MMP2: variants seen among roughly 807,000 people sequenced by gnomAD.
The protein encoded by MMP2 is matrix metallopeptidase 2.
A neutral mutation model predicts 74.8 loss-of-function variants in MMP2; 39 were observed. The ratio of observed to expected loss-of-function variants is 0.52; its 90% confidence interval spans 0.40 to 0.68. MMP2 has a LOEUF of 0.68. MMP2 is among the 30% of genes least tolerant of loss of function. The probability of loss-of-function intolerance (pLI) is 0.00; values close to 1 mark genes in which losing one functional copy is unlikely to be tolerated. For missense variants in MMP2, 803 were observed against 878.3 expected (o/e 0.91, Z 1.08); for synonymous variants, 367 against 339.8 (o/e 1.08, Z -0.88).
At chr16:55,495,858 A>C (rs1330758574) in intron 9 of MMP2, among the ~76,000 whole-genome samples, 1 of 152,182 alleles carries the variant, frequency 6.6e-6, no homozygotes, top group African/African-American at 2.4e-5. Context: ...TCATGGTCAC[A>C]AGAAGGTTAC....
intron 5 of MMP2, among the ~76,000 whole-genome samples, chr16:55,486,150 C>T (rs545952428): frequency 6.6e-6 from 1 of 152,176 alleles, no homozygotes; most frequent in South Asian, 2.1e-4. Context: ...ACACTTCAGT[C>T]AAGATTGATA....
intron 2 of MMP2, 87 bp downstream of exon 2, chr16:55,483,222 T>TC: frequency 9.7e-7 from 1 of 1,032,420 alleles, no homozygotes; most frequent in Non-Finnish European, 1.4e-6. Context: ...ACTCAGGGGA[T>TC]CCATGAGGTG....
Position 55,496,937 on chromosome 16 carries a change from G to T in MMP2, c.1484G>T (p.Arg495Leu). The change falls in exon 10 of 13, where the codon CGG (arginine) becomes CTG (leucine). Residue 495 changes from arginine (R) to leucine (L), a missense_variant. Around this residue, in one of 3 missense-constraint regions of MMP2, gnomAD observed 555 missense variants for 592.0 expected, o/e 0.94. Coordinates refer to ENST00000219070, the MANE Select transcript of MMP2 (RefSeq NM_004530.6). ...TTGCCTCCTGCCAGGTTCATTTGGCGGACTGTGACGCCACGTGACAAGCCC... is the reference window on the plus strand; with the variant it reads ...TTGCCTCCTGCCAGGTTCATTTGGCTGACTGTGACGCCACGTGACAAGCCC... ...IFFFKDRFIW[R>L]TVTPRDKPMG... The T allele has an allele frequency of 6.2e-7, 1 of 1,614,042 alleles. No homozygotes were observed. Among genetic ancestry groups the T allele is most frequent in the Non-Finnish European group, 8.5e-7 (1 of 1,180,028 alleles).
At chr16:55,481,994 C>G in intron 1 of MMP2, 1 of 556,032 alleles carries the variant, frequency 1.8e-6, no homozygotes, top group Non-Finnish European at 3.3e-6. Flanking sequence ...CAGAAGATCT[C>G]CTGGCTCCTT....
At chr16:55,484,599 A>G (rs767908722) in intron 3 of MMP2, among the ~76,000 whole-genome samples, 13 of 152,246 alleles carry the variant, frequency 8.5e-5, no homozygotes, top group Non-Finnish European at 1.8e-4. Context: ...TCTTAATCAC[A>G]GAAAGCTCTG....
At chr16:55,494,408 T>C (rs112898616) in intron 9 of MMP2, among the ~76,000 whole-genome samples, 18 of 152,372 alleles carry the variant, frequency 1.2e-4, no homozygotes, top group African/African-American at 4.1e-4. Context: ...AGTGTATTCA[T>C]ATTAGCTATT....
chr16:55,500,284 G>A (rs1962633734), intron 11 of MMP2, among the ~76,000 whole-genome samples: 1 of 151,516 alleles, frequency 6.6e-6, no homozygotes, highest in Non-Finnish European at 1.5e-5. Context: ...CATTGTAGGA[G>A]CCCTGAATCT....
At chr16:55,501,400 C>T (rs1357684082) in intron 11 of MMP2, among the ~76,000 whole-genome samples, 1 of 152,212 alleles carries the variant, frequency 6.6e-6, no homozygotes, top group Non-Finnish European at 1.5e-5. Flanking sequence ...CTGCCATCCC[C>T]ACCTTCTGTG....
chr16:55,483,145 C>A lies in MMP2; in HGVS notation c.380+10C>A. On this transcript the variant is annotated intron_variant, in intron 2 of 12. Coordinates refer to ENST00000219070, the MANE Select transcript of MMP2 (RefSeq NM_004530.6). ...ACCAGATCACATACAGGTGCCGGGG[C>A]AGGGCTTGGGGAGGCAGGGCCATGG... 6.2e-7 allele frequency: 1 copy of A among 1,610,018 alleles called. No individual in the cohort carries two copies.
intron 5 of MMP2, chr16:55,488,330 G>A: frequency 1.7e-6 from 1 of 590,250 alleles, no homozygotes; most frequent in South Asian, 1.9e-5. Flanking sequence ...TGGTCCACAA[G>A]GTCCCACGGG....
In MMP2 at chr16:55,498,447, A is replaced by C; in HGVS notation, c.1768A>C (p.Arg590=). The change falls in exon 11 of 13, where the codon AGA becomes CGA. Residue 590 remains arginine, a splice_region_variant and synonymous_variant. Transcript: ENST00000219070. ...CATCTTTGCTGGAGACAAATTCTGG[A>C]GGTAAGGGAGGGCGGTGGGTAGGAC... ...TYIFAGDKFW[R]YNEVKKKMDP... is the part of the protein sequence containing the mutation. The C allele has an allele frequency of 1.2e-6, 2 of 1,614,136 alleles. No individual in the cohort carries two copies. Among genetic ancestry groups the C allele is most frequent in the Non-Finnish European group, 1.7e-6 (2 of 1,179,996 alleles).
chr16:55,485,456 G>A, intron 4 of MMP2, 29 bp downstream of exon 4: 1 of 1,614,036 alleles, frequency 6.2e-7, no homozygotes, highest in Non-Finnish European at 8.5e-7. Flanking sequence ...GCATGCCCCA[G>A]ACCTTCTCTC....
rs1260405072 is a variant in MMP2, at chr16:55,493,109, G to A, written c.1337-49G>A. On this transcript the variant is annotated intron_variant, in intron 8 of 12. Transcript: ENST00000219070. ...CACCCCTGGGGGCTCACCCTAGTGG[G>A]GAGAACCTCTGGAGCTGCAGAGAGT... 15 of 1,610,658 alleles carry A rather than the reference G, an allele frequency of 9.3e-6. No homozygotes were observed. The South Asian group carries it at 9.9e-5, about 11-fold the overall frequency.
chr16:55,500,256 C>T (rs192824340), intron 11 of MMP2, among the ~76,000 whole-genome samples: 1 of 151,980 alleles, frequency 6.6e-6, no homozygotes, highest in East Asian at 1.9e-4. Flanking sequence ...CACACGCGTA[C>T]TGCGAATGGC....
chr16:55,498,359 A>G lies in MMP2; in HGVS notation c.1680A>G (p.Gly560=). The change falls in exon 11 of 13, where the codon GGA becomes GGG. Residue 560 remains glycine (G), a synonymous_variant. Transcript: ENST00000219070. ...ACCCCAAGCCACTGACCAGCCTGGG[A>G]CTGCCCCCTGATGTCCAGCGAGTGG... ...RGYPKPLTSL[G]LPPDVQRVDA... 6.2e-7 allele frequency: 1 copy of G among 1,614,240 alleles called. No homozygotes were observed. Among genetic ancestry groups the G allele is most frequent in the Non-Finnish European group, 8.5e-7 (1 of 1,180,046 alleles).
intron 11 of MMP2, among the ~76,000 whole-genome samples, chr16:55,500,567 T>C (rs1207543182): frequency 2.0e-5 from 3 of 147,530 alleles, no homozygotes; most frequent in African/African-American, 7.6e-5. Context: ...AGTGCCTTGC[T>C]GGATTTCCAG....
At chr16:55,493,491 T>C (rs1480424131) in intron 9 of MMP2, among the ~76,000 whole-genome samples, 198 bp downstream of exon 9, 1 of 152,234 alleles carries the variant, frequency 6.6e-6, no homozygotes, top group Non-Finnish European at 1.5e-5. Flanking sequence ...TGCTCTCTCA[T>C]AGTCTGTGGG....
chr16:55,498,133 A>C (rs535611081), intron 10 of MMP2, among the ~76,000 whole-genome samples, 156 bp from the exon 11 acceptor site: 7 of 152,300 alleles, frequency 4.6e-5, no homozygotes. Context: ...CCTCTGTGTG[A>C]GCCCTGATTC....
intron 1 of MMP2, among the ~76,000 whole-genome samples, chr16:55,482,334 G>C (rs1417672011): frequency 2.0e-5 from 3 of 152,148 alleles, no homozygotes; most frequent in African/African-American, 7.2e-5. Flanking sequence ...TCTGTCTACT[G>C]CCAGAGCCCA....
Sources: allele counts gnomAD v4.1 joint callset (sites outside exome capture counted in the v4.1 genomes callset), GRCh38; gene constraint gnomAD v4.1.1; regional missense constraint gnomAD v4.1.1; transcripts MANE v1.5; gene names NCBI Gene and HGNC (gene_info 2026-07-23, HGNC 2026-07-21).